Variants in PDIA5 observed in about 807,000 individuals in gnomAD.
PDIA5 encodes the protein protein disulfide isomerase family A member 5, also known as protein disulfide-isomerase A5.
Under a neutral mutation model 77.6 loss-of-function variants are expected in PDIA5, and 58 were observed. The ratio of observed to expected loss-of-function variants is 0.75; its 90% CI spans 0.61 to 0.93. The LOEUF is 0.93. Ranked by LOEUF, PDIA5 falls within the 40% of genes least tolerant of loss-of-function variation. PDIA5 has a pLI of 0.00. For synonymous variants in PDIA5, 250 were observed against 252.1 expected (o/e 0.99, Z 0.08); for missense variants, 630 against 647.7 (o/e 0.97, Z 0.30).
At chr3:123,075,229 C>T (rs1933822965) in intron 1 of PDIA5, among the ~76,000 whole-genome samples, 2 of 152,188 alleles carry the variant, frequency 1.3e-5, no homozygotes, top group African/African-American at 4.8e-5. Flanking sequence ...TCCAGTTCAA[C>T]TGCTGAGTGA....
intron 7 of PDIA5, among the ~76,000 whole-genome samples, chr3:123,114,371 C>CA (rs916966456): frequency 1.3e-5 from 2 of 152,104 alleles, no homozygotes; most frequent in African/African-American, 4.8e-5. Context: ...GAAGCACCCC[C>CA]CCAAATCCTG....
At chr3:123,142,237 G>A (rs930484024) in intron 11 of PDIA5, among the ~76,000 whole-genome samples, 2 of 152,228 alleles carry the variant, frequency 1.3e-5, no homozygotes, top group African/African-American at 4.8e-5. Flanking sequence ...CCCATTGGGA[G>A]CAGGCTCAGG....
chr3:123,132,949 C>G (rs1458207325), intron 11 of PDIA5, among the ~76,000 whole-genome samples: 1 of 152,162 alleles, frequency 6.6e-6, no homozygotes, highest in African/African-American at 2.4e-5. Flanking sequence ...TGAGAGGGAT[C>G]AGGGCAAAAG....
intron 11 of PDIA5, among the ~76,000 whole-genome samples, chr3:123,131,406 C>T (rs1338043584): frequency 6.6e-6 from 1 of 150,974 alleles, no homozygotes; most frequent in Non-Finnish European, 1.5e-5. Context: ...GGCAGCAGAG[C>T]GAGGCTCCAT....
intron 1 of PDIA5, among the ~76,000 whole-genome samples, chr3:123,076,443 T>C (rs73195652): frequency 0.024 from 3,655 of 152,336 alleles, 71 homozygotes; most frequent in Non-Finnish European, 0.04. Context: ...ACTGAATGCA[T>C]AGTGTTGCTA....
intron 14 of PDIA5, among the ~76,000 whole-genome samples, chr3:123,153,923 C>T (rs746354788): frequency 5.3e-5 from 8 of 152,216 alleles, no homozygotes; most frequent in East Asian, 1.9e-4. Flanking sequence ...GGCTGGCTGA[C>T]GTAGAGGTGT....
intron 8 of PDIA5, among the ~76,000 whole-genome samples, chr3:123,123,445 C>T (rs1935165840): frequency 6.6e-6 from 1 of 152,190 alleles, no homozygotes; most frequent in African/African-American, 2.4e-5. Flanking sequence ...ACTGGGGAGA[C>T]ACAGCACGGC....
At chr3:123,132,744 G>A (rs1173170902) in intron 11 of PDIA5, among the ~76,000 whole-genome samples, 1 of 152,160 alleles carries the variant, frequency 6.6e-6, no homozygotes, top group South Asian at 2.1e-4. Flanking sequence ...ATCTAGAGCC[G>A]AAATCACCAT....
At chr3:123,113,756 G>A (rs72974451) in intron 7 of PDIA5, among the ~76,000 whole-genome samples, 3,055 of 152,220 alleles carry the variant, frequency 0.02, 119 homozygotes, top group African/African-American at 0.07. Flanking sequence ...TCACATGTTG[G>A]GTGAATGGGC....
intron 4 of PDIA5, 63 bp downstream of exon 4, chr3:123,102,557 A>G: frequency 1.6e-6 from 2 of 1,244,238 alleles, no homozygotes; most frequent in Non-Finnish European, 2.4e-6. Context: ...TGGTATTTTC[A>G]GCGAACAGCA....
intron 7 of PDIA5, among the ~76,000 whole-genome samples, chr3:123,112,099 C>A (rs749603831): frequency 1.3e-5 from 2 of 152,148 alleles, no homozygotes; most frequent in African/African-American, 4.8e-5. Flanking sequence ...ATTCACTGTC[C>A]GGGCACCTCC....
At chr3:123,081,408 C>T (rs544036352) in intron 1 of PDIA5, among the ~76,000 whole-genome samples, 6 of 152,326 alleles carry the variant, frequency 3.9e-5, no homozygotes, top group African/African-American at 7.2e-5. Flanking sequence ...ATTCTCAGCC[C>T]GCTCAAGTTC....
chr3:123,092,486 G>A, intron 3 of PDIA5, 44 bp downstream of exon 3: 1 of 1,377,592 alleles, frequency 7.3e-7, no homozygotes, highest in South Asian at 1.2e-5. Flanking sequence ...TGGGCAGAGG[G>A]GCACTTGGGG....
chr3:123,095,323 G>C (rs1934404541), intron 3 of PDIA5, among the ~76,000 whole-genome samples: 1 of 152,216 alleles, frequency 6.6e-6, no homozygotes. Context: ...AGGGGGAGAA[G>C]TGGTATGCTT....
At position 123,146,034 on chromosome 3, in the gene PDIA5, C is replaced by T. The variant is rs569978549; in HGVS notation, c.982-65C>T. ...ATGGGTTGTGGGGGCAGCGTCTGGGCTCCTGTGTTCCACCAGCACCGCATC... is the reference window on the plus strand; with the variant it reads ...ATGGGTTGTGGGGGCAGCGTCTGGGTTCCTGTGTTCCACCAGCACCGCATC... On this transcript the variant is annotated intron_variant, in intron 12 of 16. Coordinates refer to ENST00000316218, the MANE Select transcript of PDIA5 (RefSeq NM_006810.4). The T allele has an allele frequency of 2.7e-6, 4 of 1,497,416 alleles. No individual in the cohort carries two copies. The East Asian group carries it at 6.8e-5, about 25-fold the overall frequency. 92.8% of individuals were successfully genotyped at this position (1,497,416 alleles called of 1,614,324 possible).
At position 123,106,743 on chromosome 3, in the gene PDIA5, C is replaced by T. The variant is rs78255189; in HGVS notation, c.388-6C>T. The T allele has an allele frequency of 1.3e-6, 2 of 1,597,990 alleles. No individual in the cohort carries two copies. The highest frequency in any genetic ancestry group is 1.7e-5 in the Admixed American group (1 of 59,114). On this transcript the variant is annotated splice_polypyrimidine_tract_variant and splice_region_variant and intron_variant, in intron 5 of 16. Coordinates refer to ENST00000316218, the MANE Select transcript of PDIA5 (RefSeq NM_006810.4). ...TGCATTTTCTCTTCTCTTTTTTTTCCCTCAGTCCATAGTGGCCTTTTTGAA... is the reference window on the plus strand; with the variant it reads ...TGCATTTTCTCTTCTCTTTTTTTTCTCTCAGTCCATAGTGGCCTTTTTGAA...
rs1934746156 is a variant in PDIA5 at position 123,106,823 on chromosome 3, C to A, written c.462C>A (p.Val154=). The A allele has an allele frequency of 6.2e-7, 1 of 1,610,944 alleles. No individual in the cohort carries two copies. Among genetic ancestry groups the A allele is most frequent in the African/African-American group, 1.3e-5 (1 of 74,960 alleles). Residue 154 remains valine, a synonymous_variant, in exon 6 of 17, where the codon GTC becomes GTA. Coordinates refer to ENST00000316218, the MANE Select transcript of PDIA5 (RefSeq NM_006810.4). The stretch of plus-strand genomic sequence containing the variant: ...AAGATCCTGGAGCCAAAGATGTTGT[C>A]CACCTTGACAGTGAAAAGGTAATGT... The part of the protein sequence containing the change: ...WEEDPGAKDV[V]HLDSEKDFRR...
At chr3:123,152,505 C>A (rs1281756123) in intron 14 of PDIA5, among the ~76,000 whole-genome samples, 6 of 152,102 alleles carry the variant, frequency 3.9e-5, no homozygotes, top group African/African-American at 1.4e-4. Flanking sequence ...CATCTTTTGA[C>A]TTTTTAATAA....
intron 8 of PDIA5, 71 bp from the exon 9 acceptor site, chr3:123,123,995 C>A: frequency 1.1e-6 from 1 of 930,432 alleles, no homozygotes; most frequent in Non-Finnish European, 1.8e-6. Flanking sequence ...AGCAGCTGGA[C>A]AGATGGCGTG....
Sources: gnomAD v4.1 joint callset for allele counts (sites outside exome capture counted in the v4.1 genomes callset) on GRCh38, gnomAD v4.1.1 for gene constraint, MANE v1.5 for transcripts, NCBI Gene and HGNC (gene_info 2026-07-23, HGNC 2026-07-21) for gene names.